Variants in CSMD1 observed in about 807,000 individuals in gnomAD.
CSMD1 encodes CUB and Sushi multiple domains 1.
Under a neutral mutation model 417.5 loss-of-function variants are expected in CSMD1, and 213 were observed. The ratio of observed to expected loss-of-function variants is 0.51; its 90% confidence interval spans 0.46 to 0.57. The LOEUF (loss-of-function observed/expected upper bound fraction) is 0.57. Ranked by LOEUF, CSMD1 falls within the 20% of genes least tolerant of loss-of-function variation. The pLI, the probability that CSMD1 is intolerant of heterozygous loss-of-function variation, is 0.00. For synonymous variants in CSMD1, 2,862 were observed against 1,736.8 expected, an observed-to-expected ratio of 1.65 and a Z score of -16.11; for missense variants, 6,923 against 4,529.7, an observed-to-expected ratio of 1.53 and a Z score of -15.17.
intron 1 of CSMD1, among the ~76,000 whole-genome samples, chr8:4,835,140 C>T (rs894309438): frequency 7.2e-5 from 11 of 151,876 alleles, no homozygotes; most frequent in Admixed American, 1.3e-4. Flanking sequence ...ACTCTAGACC[C>T]AGTGAGCAAG....
At chr8:3,314,956 C>G (rs1444007850) in intron 23 of CSMD1, among the ~76,000 whole-genome samples, 1 of 152,188 alleles carries the variant, frequency 6.6e-6, no homozygotes, top group Non-Finnish European at 1.5e-5. Flanking sequence ...AAAGTAGTTT[C>G]ATGCTCAGGT....
intron 25 of CSMD1, among the ~76,000 whole-genome samples, chr8:3,287,283 G>C (rs562584381): frequency 6.6e-6 from 1 of 151,660 alleles, no homozygotes; most frequent in African/African-American, 2.4e-5. Context: ...TTGGTGATTC[G>C]GGCTCTTTTT....
chr8:3,715,588 G>A (rs1287760583), intron 6 of CSMD1, among the ~76,000 whole-genome samples: 9 of 151,912 alleles, frequency 5.9e-5, no homozygotes, highest in Admixed American at 5.2e-4. Context: ...TGTCATCCAC[G>A]CTGGAGTGCA....
chr8:4,188,668 G>A (rs1220382820), intron 3 of CSMD1, among the ~76,000 whole-genome samples: 1 of 151,980 alleles, frequency 6.6e-6, no homozygotes, highest in Non-Finnish European at 1.5e-5. Flanking sequence ...TCATAAAACA[G>A]TCTAGTCTTT....
At chr8:4,486,013 A>G (rs534708454) in intron 2 of CSMD1, among the ~76,000 whole-genome samples, 1 of 151,604 alleles carries the variant, frequency 6.6e-6, no homozygotes, top group East Asian at 1.9e-4. Flanking sequence ...TGTAATAGCA[A>G]TTATTTTTTT....
At chr8:3,822,728 G>C (rs910947927) in intron 5 of CSMD1, among the ~76,000 whole-genome samples, 2 of 152,152 alleles carry the variant, frequency 1.3e-5, no homozygotes, top group African/African-American at 2.4e-5. Flanking sequence ...AGTCCTTTGG[G>C]TTTTGTTTGG....
intron 2 of CSMD1, among the ~76,000 whole-genome samples, chr8:4,496,631 C>T (rs1187693901): frequency 6.6e-6 from 1 of 152,122 alleles, no homozygotes; most frequent in East Asian, 1.9e-4. Flanking sequence ...TCCTCCTCTC[C>T]CTGTCTCATA....
intron 1 of CSMD1, among the ~76,000 whole-genome samples, chr8:4,721,046 C>T (rs1026731652): frequency 6.6e-6 from 1 of 152,078 alleles, no homozygotes; most frequent in Admixed American, 6.6e-5. Context: ...ATTCATAAAA[C>T]CACTCTAATA....
chr8:3,522,582 C>CG, intron 10 of CSMD1, among the ~76,000 whole-genome samples: 1 of 152,076 alleles, frequency 6.6e-6, no homozygotes, highest in African/African-American at 2.4e-5. Flanking sequence ...AATGGGAACA[C>CG]TACTCATGTT....
intron 3 of CSMD1, among the ~76,000 whole-genome samples, chr8:4,138,344 A>G (rs1649394918): frequency 6.6e-6 from 1 of 151,916 alleles, no homozygotes; most frequent in Non-Finnish European, 1.5e-5. Context: ...AGTTGTGGCA[A>G]AGCTGGGGCA....
At chr8:4,990,312 A>T (rs568317941) in intron 1 of CSMD1, among the ~76,000 whole-genome samples, 2 of 151,398 alleles carry the variant, frequency 1.3e-5, no homozygotes, top group South Asian at 4.1e-4. Flanking sequence ...TGCAACAGGA[A>T]AAAAACATGA....
intron 46 of CSMD1, among the ~76,000 whole-genome samples, chr8:3,104,264 G>T (rs1279347048): frequency 2.6e-5 from 4 of 152,254 alleles, no homozygotes; most frequent in African/African-American, 9.6e-5. Context: ...CTTGAGGAAA[G>T]AATCCATAAA....
chr8:2,984,722 T>C (rs1805723907), intron 54 of CSMD1, among the ~76,000 whole-genome samples: 1 of 152,196 alleles, frequency 6.6e-6, no homozygotes, highest in South Asian at 2.1e-4. Flanking sequence ...AGACACATAG[T>C]GGTAATTTTG....
At chr8:3,509,726 C>G (rs551727947) in intron 10 of CSMD1, among the ~76,000 whole-genome samples, 4 of 152,130 alleles carry the variant, frequency 2.6e-5, no homozygotes, top group African/African-American at 9.7e-5. Context: ...TATTAATTAA[C>G]AGAATAATCA....
At chr8:4,102,148 C>A (rs190979845) in intron 3 of CSMD1, among the ~76,000 whole-genome samples, 1 of 152,312 alleles carries the variant, frequency 6.6e-6, no homozygotes, top group African/African-American at 2.4e-5. Flanking sequence ...AACCTCAAAT[C>A]ATGTAAATGA....
rs879939973 is a variant in CSMD1, at chr8:3,762,616, A to G, written c.819-8574T>C. Among the ~76,000 whole-genome samples the G allele has an allele frequency of 1.8e-4, 27 of 152,202 alleles. 1 individual carries two copies. The highest frequency in any genetic ancestry group is 1.7e-3 in the Admixed American group (26 of 15,288). On this transcript the variant is annotated intron_variant, in intron 5 of 69. Coordinates refer to ENST00000635120, the MANE Select transcript of CSMD1 (RefSeq NM_033225.6). ...ATGGGAAGCCCATGACTTGGCCCTAAGCCGCTCTTGTCTGTGGAAGGTATA... is the reference window on the plus strand; with the variant it reads ...ATGGGAAGCCCATGACTTGGCCCTAGGCCGCTCTTGTCTGTGGAAGGTATA...
At chr8:4,188,308 G>A (rs1798804638) in intron 3 of CSMD1, among the ~76,000 whole-genome samples, 1 of 152,112 alleles carries the variant, frequency 6.6e-6, no homozygotes, top group Non-Finnish European at 1.5e-5. Flanking sequence ...TTGTCAAATC[G>A]CTCACGTGGT....
chr8:3,454,685 G>A (rs1005132164), intron 12 of CSMD1, among the ~76,000 whole-genome samples: 3 of 152,232 alleles, frequency 2.0e-5, no homozygotes, highest in African/African-American at 7.2e-5. Context: ...GAGATCAGCT[G>A]TTAGTCTGAT....
At chr8:4,232,891 A>T (rs1801828123) in intron 3 of CSMD1, among the ~76,000 whole-genome samples, 1 of 152,162 alleles carries the variant, frequency 6.6e-6, no homozygotes, top group African/African-American at 2.4e-5. Flanking sequence ...GTGTAAAAGG[A>T]GGAAAAGGAT....
Sources: gnomAD v4.1 joint callset for allele counts (sites outside exome capture counted in the v4.1 genomes callset) on GRCh38, gnomAD v4.1.1 for gene constraint, MANE v1.5 for transcripts, NCBI Gene and HGNC (gene_info 2026-07-23, HGNC 2026-07-21) for gene names.